The following GRIA2 variants were observed in gnomAD, a reference collection of about 807,000 sequenced individuals.
GRIA2 encodes glutamate ionotropic receptor AMPA type subunit 2, also known as glutamate receptor 2.
GRIA2 carries 14 observed loss-of-function variants against 97.3 expected under a neutral mutation model. The ratio of observed to expected loss-of-function variants is 0.14; its 90% CI spans 0.10 to 0.23. The LOEUF (loss-of-function observed/expected upper bound fraction) is 0.23, where lower values mean the gene tolerates loss of function less well. Among genes scored for constraint, GRIA2 ranks in the 10% least tolerant of loss-of-function variants. The pLI is 1.00. For missense variants in GRIA2, 558 were observed against 1,069.8 expected (o/e 0.52, Z 6.67); for synonymous variants, 412 against 387.8 (o/e 1.06, Z -0.73).
chr4:157,338,366 C>G (rs532553840), intron 11 of GRIA2, among the ~76,000 whole-genome samples: 1 of 151,732 alleles, frequency 6.6e-6, no homozygotes, highest in Non-Finnish European at 1.5e-5. Flanking sequence ...ATGTGTCAGC[C>G]CAGTCTGGCC....
Position 157,341,153 on chromosome 4 carries a change from A to ATATAAAATT in GRIA2, c.1845-110_1845-102dup, listed in dbSNP as rs2126951305. The ATATAAAATT allele has an allele frequency of 4.0e-6, 3 of 748,522 alleles. No individual in the cohort carries two copies. In the East Asian group the frequency reaches 7.7e-5, roughly 19 times the overall value. 46.4% of individuals were successfully genotyped at this position (748,522 alleles called of 1,614,324 possible). ...CATTAACTAGTAGATACATTGAAAA[A>ATATAAAATT]TATAAAATTAAATATTCCCCTATAA... On this transcript the variant is annotated intron_variant, in intron 11 of 15. Transcript: ENST00000264426.
chr4:157,265,348 T>G (rs1731722513), intron 2 of GRIA2, among the ~76,000 whole-genome samples: 1 of 152,152 alleles, frequency 6.6e-6, no homozygotes, highest in African/African-American at 2.4e-5. Flanking sequence ...TTTAATTACC[T>G]CGCATGAATC....
At chr4:157,247,841 C>T (rs1730799215) in intron 2 of GRIA2, among the ~76,000 whole-genome samples, 1 of 151,998 alleles carries the variant, frequency 6.6e-6, no homozygotes, top group Non-Finnish European at 1.5e-5. Context: ...CAGGTGCAGG[C>T]AGAAGGGGCG....
rs1736736855 is a variant in GRIA2 at position 157,363,572 on chromosome 4, G to A, written c.*141G>A. ...CTTACGTGAGTCCTGGCATGGGAATGAATGTCAGTGTGACTGATCTCTCGT... is the reference window on the plus strand; with the variant it reads ...CTTACGTGAGTCCTGGCATGGGAATAAATGTCAGTGTGACTGATCTCTCGT... On this transcript the variant is annotated 3_prime_UTR_variant, in exon 16 of 16. Coordinates refer to ENST00000264426, the MANE Select transcript of GRIA2 (RefSeq NM_001083619.3). 1 of 1,234,200 alleles carries A rather than the reference G, an allele frequency of 8.1e-7. No homozygotes were observed. Among genetic ancestry groups the A allele is most frequent in the African/African-American group, 1.6e-5 (1 of 64,430 alleles). The allele number at this position is 1,234,200 out of a possible 1,614,324, so 76.5% of individuals were successfully genotyped here. A position where few individuals can be genotyped will look rare whatever the true frequency, so the allele number is the denominator to read the frequency against.
At chr4:157,235,931 C>T (rs1219366033) in intron 2 of GRIA2, among the ~76,000 whole-genome samples, 4 of 151,918 alleles carry the variant, frequency 2.6e-5, no homozygotes, top group African/African-American at 9.7e-5. Context: ...TTTAAAATGT[C>T]AATGCATATA....
chr4:157,356,196 T>A (rs1278307917), intron 12 of GRIA2, among the ~76,000 whole-genome samples: 4 of 135,926 alleles, frequency 2.9e-5, no homozygotes, highest in Non-Finnish European at 6.1e-5. Context: ...TATTTATATA[T>A]ATTTATATAT....
At chr4:157,247,821 G>A (rs1178871326) in intron 2 of GRIA2, among the ~76,000 whole-genome samples, 2 of 152,114 alleles carry the variant, frequency 1.3e-5, no homozygotes, top group Non-Finnish European at 2.9e-5. Flanking sequence ...TCAGGGAGGA[G>A]TTAGTGAGGC....
chr4:157,285,071 T>C (rs549531866), intron 2 of GRIA2, among the ~76,000 whole-genome samples: 1 of 151,824 alleles, frequency 6.6e-6, no homozygotes, highest in Non-Finnish European at 1.5e-5. Flanking sequence ...TTTTATATGT[T>C]ATTAATTCTT....
At chr4:157,297,236 T>C (rs925851743) in intron 2 of GRIA2, among the ~76,000 whole-genome samples, 2 of 152,118 alleles carry the variant, frequency 1.3e-5, no homozygotes, top group African/African-American at 4.8e-5. Context: ...ACAATTCATA[T>C]GCTGAGAATA....
At chr4:157,284,999 C>T (rs112901086) in intron 2 of GRIA2, among the ~76,000 whole-genome samples, 4,433 of 151,668 alleles carry the variant, frequency 0.029, 97 homozygotes, top group Non-Finnish European at 0.043. Context: ...GGATTTTGCC[C>T]AGCTGTTCTT....
At chr4:157,268,124 C>A (rs930342344) in intron 2 of GRIA2, among the ~76,000 whole-genome samples, 1 of 151,882 alleles carries the variant, frequency 6.6e-6, no homozygotes, top group African/African-American at 2.4e-5. Context: ...ACAAACAGAT[C>A]CAAGGGGATT....
intron 2 of GRIA2, among the ~76,000 whole-genome samples, chr4:157,230,526 TCTTCCTTCCTTCTTTCCTTC>T (rs1383709247): frequency 3.9e-4 from 57 of 147,434 alleles, no homozygotes; most frequent in African/African-American, 1.3e-3. Flanking sequence ...TTCCTTCCTT[TCTTCCTTCCTTCTTTCCTTC>T]CTTCCTTCCT....
rs1453074407 is a variant in GRIA2 at position 157,336,745 on chromosome 4, A to C, written c.1842A>C (p.Pro614=). 1 of 1,609,344 alleles carries C rather than the reference A, an allele frequency of 6.2e-7. No individual in the cohort carries two copies. Reference sequence around the variant, plus strand: ...TGCAGCAAGGATGCGATATTTCGCCAAGGTTGGTTACTCACCTGCTTCAAC... The same window carrying C: ...TGCAGCAAGGATGCGATATTTCGCCCAGGTTGGTTACTCACCTGCTTCAAC... ...AFMQQGCDIS[P]RSLSGRIVGG... The change falls in exon 11 of 16, where the codon CCA becomes CCC. Residue 614 remains proline (P), a splice_region_variant and synonymous_variant. Coordinates refer to ENST00000264426, the MANE Select transcript of GRIA2 (RefSeq NM_001083619.3).
chr4:157,253,441 A>T (rs377167250), intron 2 of GRIA2, among the ~76,000 whole-genome samples: 12 of 152,188 alleles, frequency 7.9e-5, no homozygotes, highest in African/African-American at 2.9e-4. Flanking sequence ...TGTAAAATAC[A>T]GTAAGTGGGA....
At chr4:157,276,379 G>T (rs932036224) in intron 2 of GRIA2, among the ~76,000 whole-genome samples, 4 of 152,172 alleles carry the variant, frequency 2.6e-5, no homozygotes, top group Non-Finnish European at 5.9e-5. Flanking sequence ...TGCAGCAAAA[G>T]AAGTGCTTGG....
At chr4:157,236,500 G>A (rs1730255321) in intron 2 of GRIA2, among the ~76,000 whole-genome samples, 2 of 151,868 alleles carry the variant, frequency 1.3e-5, no homozygotes, top group African/African-American at 4.8e-5. Flanking sequence ...CCTTTTTGTT[G>A]ATGATTGTTT....
At chr4:157,327,828 TA>T (rs1380443786) in intron 6 of GRIA2, among the ~76,000 whole-genome samples, 1 of 152,140 alleles carries the variant, frequency 6.6e-6, no homozygotes, top group African/African-American at 2.4e-5. Flanking sequence ...CTAAGAGAGT[TA>T]TTAGATCTGC....
At chr4:157,328,680 C>A (rs1579367707) in intron 6 of GRIA2, among the ~76,000 whole-genome samples, 1 of 151,836 alleles carries the variant, frequency 6.6e-6, no homozygotes, top group Non-Finnish European at 1.5e-5. Context: ...TTAGCTTTAT[C>A]TGAAAATTTG....
intron 2 of GRIA2, among the ~76,000 whole-genome samples, chr4:157,228,722 G>C (rs956367950): frequency 1.4e-5 from 2 of 138,330 alleles, no homozygotes; most frequent in Middle Eastern, 4.4e-3. Context: ...GAACCCATGA[G>C]AGAGATGTTG....
Sources: allele counts gnomAD v4.1 joint callset (sites outside exome capture counted in the v4.1 genomes callset), GRCh38; gene constraint gnomAD v4.1.1; transcripts MANE v1.5; gene names NCBI Gene and HGNC (gene_info 2026-07-23, HGNC 2026-07-21).